The following KIRREL3 variants were observed in gnomAD, a reference collection of about 807,000 sequenced individuals.
The protein encoded by KIRREL3 is kin of IRRE-like protein 3.
A neutral mutation model predicts 89.7 loss-of-function variants in KIRREL3; 36 were observed. The observed-to-expected ratio is 0.40, with a 90% CI of 0.31 to 0.53. KIRREL3 has a LOEUF of 0.53. Among genes scored for constraint, KIRREL3 ranks in the 20% least tolerant of loss-of-function variants. The pLI, the probability that KIRREL3 is intolerant of heterozygous loss-of-function variation, is 0.49. For missense variants in KIRREL3, 864 were observed against 1,056.6 expected (o/e 0.82, Z 2.53); for synonymous variants, 445 against 441.4 (o/e 1.01, Z -0.10).
In KIRREL3 at chr11:126,877,748, T is replaced by C. The variant is rs2134696645; in HGVS notation, c.55+122707A>G. On this transcript the variant is annotated intron_variant, in intron 1 of 16. Transcript: ENST00000525144. The surrounding 1 kb of genome is among the most constrained non-coding windows in gnomAD (Gnocchi z 4.9). ...TAAAATAATTCTGGGCACAGGATGG[T>C]GTATAAAAATACAGGCATGACAGGA... Among the ~76,000 whole-genome samples the C allele has an allele frequency of 6.6e-6, 1 of 152,314 alleles. No individual in the cohort carries two copies. Among genetic ancestry groups the C allele is most frequent in the East Asian group, 1.9e-4 (1 of 5,190 alleles).
chr11:126,572,918 T>C (rs1419180068), intron 1 of KIRREL3, among the ~76,000 whole-genome samples: 2 of 152,168 alleles, frequency 1.3e-5, no homozygotes, highest in Admixed American at 1.3e-4. Flanking sequence ...CAGGCAGTCA[T>C]GTCCAGCCCC....
chr11:126,721,211 A>G (rs1948157388), intron 1 of KIRREL3, among the ~76,000 whole-genome samples: 1 of 152,184 alleles, frequency 6.6e-6, no homozygotes, highest in African/African-American at 2.4e-5. Flanking sequence ...GCTTAGCCTC[A>G]GTTTCCACAA....
Position 126,508,301 on chromosome 11 carries a change from C to A in KIRREL3, c.433+13014G>T, listed in dbSNP as rs896429069. On this transcript the variant is annotated intron_variant, in intron 4 of 16. Transcript: ENST00000525144. This position sits in a 1 kb window ranked among gnomAD's most constrained non-coding sequence, Gnocchi z 4.9. ...ATGGAGGCTTCTGGGTGCCTATGAA[C>A]CTCCCCCTTGGAAAAACCTCCTTCA... Among the ~76,000 whole-genome samples, 1 of 152,150 alleles carries A rather than the reference C, an allele frequency of 6.6e-6. No homozygotes were observed. The highest frequency in any genetic ancestry group is 2.4e-5 in the African/African-American group (1 of 41,424).
intron 1 of KIRREL3, among the ~76,000 whole-genome samples, chr11:126,911,109 C>T (rs1309809587): frequency 1.3e-5 from 2 of 152,112 alleles, no homozygotes; most frequent in Non-Finnish European, 2.9e-5. Context: ...CAAGAAGCAG[C>T]CCCAAGGTTC....
intron 1 of KIRREL3, among the ~76,000 whole-genome samples, chr11:126,586,427 G>A (rs1941859158): frequency 6.6e-6 from 1 of 151,968 alleles, no homozygotes; most frequent in Non-Finnish European, 1.5e-5. Flanking sequence ...CTGGGGGAAG[G>A]GTCTCGTGGC....
Position 126,708,203 on chromosome 11 carries a change from C to T in KIRREL3, c.56-145291G>A, listed in dbSNP as rs934351024. 6.6e-6 allele frequency among the ~76,000 whole-genome samples: 1 copy of T among 152,176 alleles called. No individual in the cohort carries two copies. The highest frequency in any genetic ancestry group is 2.4e-5 in the African/African-American group (1 of 41,426). ...CCGCCTGGAAACTCATCTGCCTGTG[C>T]CGCTGCTTTTTCCTGGCAGTTTACA... On this transcript the variant is annotated intron_variant, in intron 1 of 16. Coordinates refer to ENST00000525144, the MANE Select transcript of KIRREL3 (RefSeq NM_032531.4). This position sits in a 1 kb window ranked among gnomAD's most constrained non-coding sequence, Gnocchi z 5.7.
In KIRREL3 at chr11:126,731,605, C is replaced by T. The variant is rs1948619831; in HGVS notation, c.56-168693G>A. The stretch of plus-strand genomic sequence containing the variant: ...GAATGCACACAGGAAGAAAGCTTTG[C>T]CAAAATTTGCACACCTCGTTGCTGG... On this transcript the variant is annotated intron_variant, in intron 1 of 16. Coordinates refer to ENST00000525144, the MANE Select transcript of KIRREL3 (RefSeq NM_032531.4). 5.3e-5 allele frequency among the ~76,000 whole-genome samples: 8 copies of T among 152,198 alleles called. No individual in the cohort carries two copies. In the South Asian group the frequency reaches 1.7e-3, roughly 31 times the overall value.
At position 126,615,180 on chromosome 11, in the gene KIRREL3, A is replaced by G. The variant is rs1036899984; in HGVS notation, c.56-52268T>C. Reference sequence around the variant, plus strand: ...GAGCTGTGCTTCATATTCCCCGTGCATACCTCTGCCTTAGCACCTGCTTTT... The same window carrying G: ...GAGCTGTGCTTCATATTCCCCGTGCGTACCTCTGCCTTAGCACCTGCTTTT... On this transcript the variant is annotated intron_variant, in intron 1 of 16. Transcript: ENST00000525144. This position sits in a 1 kb window ranked among gnomAD's most constrained non-coding sequence, Gnocchi z 5.4. Among the ~76,000 whole-genome samples the G allele has an allele frequency of 2.0e-5, 3 of 152,134 alleles. No individual in the cohort carries two copies. Among genetic ancestry groups the G allele is most frequent in the Non-Finnish European group, 4.4e-5 (3 of 68,026 alleles).
In KIRREL3 at chr11:126,567,274, G is replaced by T. The variant is rs2134606786; in HGVS notation, c.56-4362C>A. Among the ~76,000 whole-genome samples the T allele has an allele frequency of 1.3e-5, 2 of 152,282 alleles. 1 individual carries two copies. Among genetic ancestry groups the T allele is most frequent in the South Asian group, 4.1e-4 (2 of 4,828 alleles). On this transcript the variant is annotated intron_variant, in intron 1 of 16. Transcript: ENST00000525144. Reference sequence around the variant, plus strand: ...CCTGTGACTGGTGTCCTTATGAAGAGGAAAATCTAGTGATAGACACATATA... The same window carrying T: ...CCTGTGACTGGTGTCCTTATGAAGATGAAAATCTAGTGATAGACACATATA...
chr11:126,511,804 T>C (rs1224270787), intron 4 of KIRREL3, among the ~76,000 whole-genome samples: 2 of 152,260 alleles, frequency 1.3e-5, no homozygotes, highest in African/African-American at 4.8e-5. Context: ...GTAATGGAGA[T>C]TCATTGCCAG....
At chr11:126,941,849 T>C (rs1460830105) in intron 1 of KIRREL3, among the ~76,000 whole-genome samples, 1 of 152,250 alleles carries the variant, frequency 6.6e-6, no homozygotes, top group African/African-American at 2.4e-5. Flanking sequence ...TCTTGCTTTC[T>C]AGTTTTTAGG....
At chr11:126,826,933 G>A (rs192241725) in intron 1 of KIRREL3, among the ~76,000 whole-genome samples, 1 of 152,294 alleles carries the variant, frequency 6.6e-6, no homozygotes, top group Non-Finnish European at 1.5e-5. Flanking sequence ...TTGCTGCAGT[G>A]TTGAAAATGA....
At chr11:126,777,686 TA>T (rs1195764083) in intron 1 of KIRREL3, among the ~76,000 whole-genome samples, 1 of 152,210 alleles carries the variant, frequency 6.6e-6, no homozygotes, top group Non-Finnish European at 1.5e-5. Context: ...TGTGAACACA[TA>T]AAACCACGTA....
chr11:126,490,508 A>G lies in KIRREL3; in HGVS notation c.434-17042T>C, dbSNP rs1000256. On this transcript the variant is annotated intron_variant, in intron 4 of 16. Coordinates refer to ENST00000525144, the MANE Select transcript of KIRREL3 (RefSeq NM_032531.4). This position sits in a 1 kb window ranked among gnomAD's most constrained non-coding sequence, Gnocchi z 4.2. The stretch of plus-strand genomic sequence containing the variant: ...GGGCTGAGATACAACCTCAGTGAAC[A>G]AGCCACTGGGCCAGGGATGCAGAGC... Among the ~76,000 whole-genome samples, 27,877 of 152,004 alleles carry G rather than the reference A, an allele frequency of 0.18. 3,385 individuals are homozygous for G. The highest frequency in any genetic ancestry group is 0.5 in the East Asian group (2,586 of 5,158).
Position 126,521,597 on chromosome 11 carries a change from C to G in KIRREL3, c.284-133G>C. 1.3e-6 allele frequency: 1 copy of G among 758,228 alleles called. No individual in the cohort carries two copies. 47.0% of individuals were successfully genotyped at this position (758,228 alleles called of 1,614,324 possible). A position where few individuals can be genotyped will look rare whatever the true frequency, so the allele number is the denominator to read the frequency against. On this transcript the variant is annotated intron_variant, in intron 3 of 16. Transcript: ENST00000525144. This position sits in a 1 kb window ranked among gnomAD's most constrained non-coding sequence, Gnocchi z 4.1. ...GCAGAGCGGGTGATTGCTCAGGGCT[C>G]TGATCTCAGTGCAAGGAGCACAAAT...
chr11:126,665,846 A>G (rs958746753), intron 1 of KIRREL3, among the ~76,000 whole-genome samples: 2 of 152,234 alleles, frequency 1.3e-5, no homozygotes, highest in Non-Finnish European at 1.5e-5. Flanking sequence ...TGACCTCAGG[A>G]AGGTTTCTTA....
chr11:126,942,203 CTTAGT>C (rs1455158860), intron 1 of KIRREL3, among the ~76,000 whole-genome samples: 1 of 152,102 alleles, frequency 6.6e-6, no homozygotes, highest in Non-Finnish European at 1.5e-5. Context: ...CTCTCTGAGC[CTTAGT>C]TTACTCATTA....
chr11:126,896,819 G>A lies in KIRREL3; in HGVS notation c.55+103636C>T, dbSNP rs139892107. On this transcript the variant is annotated intron_variant, in intron 1 of 16. Coordinates refer to ENST00000525144, the MANE Select transcript of KIRREL3 (RefSeq NM_032531.4). The surrounding 1 kb of genome is among the most constrained non-coding windows in gnomAD (Gnocchi z 4.1). Reference sequence around the variant, plus strand: ...GTAACTGCTCAGATCTTACCCAAGCGCGTGTTCTCCTCTTTCATAGCTTCC... The same window carrying A: ...GTAACTGCTCAGATCTTACCCAAGCACGTGTTCTCCTCTTTCATAGCTTCC... Among the ~76,000 whole-genome samples, 26 of 152,246 alleles carry A rather than the reference G, an allele frequency of 1.7e-4. No homozygotes were observed. The East Asian group carries it at 1.9e-3, about 11-fold the overall frequency.
chr11:126,906,237 G>A lies in KIRREL3; in HGVS notation c.55+94218C>T, dbSNP rs554414598. On this transcript the variant is annotated intron_variant, in intron 1 of 16. Transcript: ENST00000525144. The surrounding 1 kb of genome is among the most constrained non-coding windows in gnomAD (Gnocchi z 4.1). Reference sequence around the variant, plus strand: ...TTTCTGCGGGCTGACTGCTCAAGAAGCAAGATGTTCAAAGACATGGCTCCC... The same window carrying A: ...TTTCTGCGGGCTGACTGCTCAAGAAACAAGATGTTCAAAGACATGGCTCCC... 1.5e-4 allele frequency among the ~76,000 whole-genome samples: 23 copies of A among 152,294 alleles called. No homozygotes were observed. In the South Asian group the frequency reaches 4.6e-3, roughly 30 times the overall value.
Sources: gnomAD v4.1 joint callset for allele counts (sites outside exome capture counted in the v4.1 genomes callset) on GRCh38, gnomAD v4.1.1 for gene constraint, Gnocchi (gnomAD v3.1) non-coding constraint, MANE v1.5 for transcripts, NCBI Gene and HGNC (gene_info 2026-07-23, HGNC 2026-07-21) for gene names.